The following GPR89B variants were observed in gnomAD, a reference collection of about 807,000 sequenced individuals.
GPR89B encodes the protein G protein-coupled receptor 89B.
Under a neutral mutation model 52.4 loss-of-function variants are expected in GPR89B, and 25 were observed. The ratio of observed to expected loss-of-function variants is 0.48; its 90% CI spans 0.35 to 0.67. The LOEUF (loss-of-function observed/expected upper bound fraction) is 0.67. Ranked by LOEUF, GPR89B falls within the 30% of genes least tolerant of loss-of-function variation. GPR89B has a pLI of 0.01. For missense variants in GPR89B, 146 were observed against 450.2 expected (o/e 0.32, Z 6.11); for synonymous variants, 52 against 151.2 (o/e 0.34, Z 4.81).
At chr1:148,001,496 T>TTG in the GPR89B span, 1 of 659,482 alleles carries the variant, frequency 1.5e-6, no homozygotes. Context: ...TTCCAGAATC[T>TTG]ATGTCCTTGA....
At chr1:147,949,873 C>G (rs1339650176) in intron 5 of GPR89B, among the ~76,000 whole-genome samples, 6 of 118,542 alleles carry the variant, frequency 5.1e-5, no homozygotes, top group Middle Eastern at 8.1e-3. Context: ...TAGGGGCGGC[C>G]GGGCAGAGGC....
At chr1:148,009,187 G>A in the GPR89B span, among the ~76,000 whole-genome samples, 2 of 152,192 alleles carry the variant, frequency 1.3e-5, no homozygotes, top group Non-Finnish European at 2.9e-5. Flanking sequence ...AGGGCAGGGA[G>A]GGAGTGAGAG....
intron 5 of GPR89B, among the ~76,000 whole-genome samples, chr1:147,949,248 C>T (rs1228983149): frequency 6.6e-6 from 1 of 152,024 alleles, no homozygotes; most frequent in Admixed American, 6.5e-5. Context: ...CCATTGTCAT[C>T]ATGGCCCGGT....
intron 3 of GPR89B, among the ~76,000 whole-genome samples, chr1:147,941,852 C>A (rs1654585073): frequency 1.3e-5 from 2 of 151,968 alleles, no homozygotes; most frequent in Admixed American, 1.3e-4. Flanking sequence ...CAGGCTTGGC[C>A]CAATATTTTA....
At chr1:147,950,717 A>C (rs1461342180) in intron 5 of GPR89B, among the ~76,000 whole-genome samples, 1 of 152,114 alleles carries the variant, frequency 6.6e-6, no homozygotes, top group African/African-American at 2.4e-5. Context: ...GATCACTCGC[A>C]GTTCGGAGCT....
intron 1 of GPR89B, 100 bp downstream of exon 1, chr1:147,928,678 C>G (rs1653237778): frequency 6.6e-7 from 1 of 1,518,248 alleles, no homozygotes; most frequent in Non-Finnish European, 9.1e-7. Context: ...TCTCGCTCCT[C>G]TCTTACGCGG....
downstream of GPR89B, among the ~76,000 whole-genome samples, chr1:147,994,551 C>T (rs1389188778): frequency 6.6e-6 from 1 of 152,018 alleles, no homozygotes; most frequent in Non-Finnish European, 1.5e-5. Flanking sequence ...TGGGAACCCC[C>T]AGAAGAGCCT....
downstream of GPR89B, among the ~76,000 whole-genome samples, chr1:147,998,184 C>A (rs1659361401): frequency 6.9e-6 from 1 of 145,560 alleles, no homozygotes; most frequent in African/African-American, 2.6e-5. Context: ...CCACACGTGT[C>A]CGGAACATTT....
chr1:147,993,852 A>T (rs1304784533), downstream of GPR89B: 2 of 155,622 alleles, frequency 1.3e-5, no homozygotes, highest in Admixed American at 1.3e-4. Flanking sequence ...AGCATACTCA[A>T]AAGGCATTTG....
chr1:147,949,650 G>A (rs1430579067), intron 5 of GPR89B, among the ~76,000 whole-genome samples: 1 of 139,976 alleles, frequency 7.1e-6, no homozygotes, highest in Non-Finnish European at 1.5e-5. Flanking sequence ...CTCCCGGATG[G>A]GGCGGCTGGC....
chr1:148,025,523 CAA>C, the GPR89B span, among the ~76,000 whole-genome samples: 20 of 29,682 alleles, frequency 6.7e-4, no homozygotes, highest in African/African-American at 2.0e-3. Flanking sequence ...AACTCTGTCT[CAA>C]AAAAAAAAAA....
chr1:147,936,450 A>C (rs1324026585), intron 1 of GPR89B, among the ~76,000 whole-genome samples, 177 bp from the exon 2 acceptor site: 1 of 152,226 alleles, frequency 6.6e-6, no homozygotes, highest in Non-Finnish European at 1.5e-5. Context: ...GGGCATTTAA[A>C]AATTTATTTC....
At chr1:147,999,470 G>A in the GPR89B span, among the ~76,000 whole-genome samples, 4 of 145,740 alleles carry the variant, frequency 2.7e-5, no homozygotes, top group African/African-American at 5.2e-5. Flanking sequence ...ATGGTGGTGC[G>A]CACCTGTAAT....
chr1:148,025,065 G>C, the GPR89B span, among the ~76,000 whole-genome samples: 23 of 151,720 alleles, frequency 1.5e-4, no homozygotes, highest in South Asian at 1.9e-3. Context: ...TTTCACCCCC[G>C]CCCCCAGTTA....
the GPR89B span, among the ~76,000 whole-genome samples, chr1:148,018,451 G>A: frequency 1.3e-5 from 2 of 148,448 alleles, no homozygotes; most frequent in Non-Finnish European, 3.0e-5. Flanking sequence ...AGAAAAAAAA[G>A]GCAGGAAGAG....
chr1:147,944,958 C>T (rs1654843270), intron 5 of GPR89B, among the ~76,000 whole-genome samples: 1 of 151,900 alleles, frequency 6.6e-6, no homozygotes, highest in African/African-American at 2.4e-5. Context: ...CTTCTTATTG[C>T]AGAAAACAGA....
intron 5 of GPR89B, among the ~76,000 whole-genome samples, chr1:147,949,334 C>T (rs1408582005): frequency 2.0e-5 from 3 of 148,188 alleles, no homozygotes; most frequent in Middle Eastern, 3.4e-3. Context: ...CCAGTAGGGG[C>T]GGCCGGGCAG....
Position 147,932,739 on chromosome 1 carries a change from G to A in GPR89B, c.43-3888G>A, listed in dbSNP as rs587769950. On this transcript the variant is annotated intron_variant, in intron 1 of 13. Transcript: ENST00000314163. ...CTCCTTTCCTCCCATTTCAGAAAAC[G>A]GGGTTCCCCTACTCCGGTTTAAAGC... is the stretch of plus-strand genomic sequence containing the variant. Among the ~76,000 whole-genome samples, 5 of 152,136 alleles carry A rather than the reference G, an allele frequency of 3.3e-5. No homozygotes were observed. In the East Asian group the frequency reaches 9.7e-4, roughly 29 times the overall value.
chr1:148,017,095 G>A, the GPR89B span, among the ~76,000 whole-genome samples: 1 of 151,724 alleles, frequency 6.6e-6, no homozygotes, highest in Admixed American at 6.6e-5. Context: ...AGGCTGGAGT[G>A]CAGTGGCGCG....
Sources: gnomAD v4.1 joint callset for allele counts (sites outside exome capture counted in the v4.1 genomes callset) on GRCh38, gnomAD v4.1.1 for gene constraint, MANE v1.5 for transcripts, NCBI Gene and HGNC (gene_info 2026-07-23, HGNC 2026-07-21) for gene names.